The following GABRB1 variants were observed in gnomAD, a reference collection of about 807,000 sequenced individuals.
GABRB1 encodes the protein gamma-aminobutyric acid type A receptor subunit beta1, also known as gamma-aminobutyric acid receptor subunit beta-1.
In GABRB1, 17 loss-of-function variants were observed where a neutral mutation model predicts 51.6. The ratio of observed to expected loss-of-function variants is 0.33; its 90% confidence interval spans 0.23 to 0.49. The LOEUF (loss-of-function observed/expected upper bound fraction) is 0.49. Among genes scored for constraint, GABRB1 ranks in the 20% least tolerant of loss-of-function variants. The probability of loss-of-function intolerance (pLI) is 0.99; values close to 1 mark genes in which losing one functional copy is unlikely to be tolerated. For synonymous variants in GABRB1, 247 were observed against 218.9 expected, an observed-to-expected ratio of 1.13 and a Z score of -1.14; for missense variants, 410 against 600.6, an observed-to-expected ratio of 0.68 and a Z score of 3.32.
chr4:47,186,402 A>T (rs1719185894), intron 4 of GABRB1, among the ~76,000 whole-genome samples: 1 of 151,886 alleles, frequency 6.6e-6, no homozygotes. Context: ...TTTGGCTAAA[A>T]TTAGGAAGAT....
intron 5 of GABRB1, among the ~76,000 whole-genome samples, chr4:47,325,751 A>C (rs1200009708): frequency 1.3e-5 from 2 of 152,106 alleles, no homozygotes; most frequent in Non-Finnish European, 2.9e-5. Context: ...GCCACCTTCG[A>C]TAGGAGGCTT....
chr4:47,096,237 C>T lies in GABRB1; in HGVS notation c.240+63753C>T, dbSNP rs1714425033. Among the ~76,000 whole-genome samples, 5 of 152,130 alleles carry T rather than the reference C, an allele frequency of 3.3e-5. No individual in the cohort carries two copies. The South Asian group carries it at 1.0e-3, about 32-fold the overall frequency. On this transcript the variant is annotated intron_variant, in intron 3 of 8. Transcript: ENST00000295454. ...GCTTTTAGGTCCTAGAAGTATTTTG[C>T]TATTCCATTATTACTGTTTTTCCTT... is the stretch of plus-strand genomic sequence containing the variant.
intron 3 of GABRB1, among the ~76,000 whole-genome samples, chr4:47,041,174 G>A (rs925933681): frequency 1.3e-5 from 2 of 152,100 alleles, no homozygotes; most frequent in African/African-American, 4.8e-5. Context: ...CTGACAGCAT[G>A]CCTTGAGAAA....
chr4:47,240,579 G>A (rs1179502053), intron 4 of GABRB1, among the ~76,000 whole-genome samples: 4 of 152,232 alleles, frequency 2.6e-5, no homozygotes, highest in African/African-American at 7.2e-5. Context: ...TTTAATACAC[G>A]AAGATATTTC....
At chr4:47,125,618 G>A (rs369518556) in intron 3 of GABRB1, among the ~76,000 whole-genome samples, 1 of 120,230 alleles carries the variant, frequency 8.3e-6, no homozygotes. Context: ...TGCAGTGGCG[G>A]GATCTCGGCT....
intron 3 of GABRB1, among the ~76,000 whole-genome samples, chr4:47,124,911 TAAAG>T (rs1716045279): frequency 6.6e-6 from 1 of 151,800 alleles, no homozygotes; most frequent in Non-Finnish European, 1.5e-5. Flanking sequence ...TAGAGGAAAA[TAAAG>T]AGAGAAAGTT....
intron 8 of GABRB1, among the ~76,000 whole-genome samples, chr4:47,409,812 T>C (rs1390184041): frequency 2.0e-5 from 3 of 152,160 alleles, no homozygotes; most frequent in Non-Finnish European, 4.4e-5. Flanking sequence ...AAAACAAACT[T>C]TAAGCAAACA....
At position 47,425,927 on chromosome 4, in the gene GABRB1, A is replaced by C; in HGVS notation, c.1334A>C (p.Asp445Ala). The change falls in exon 9 of 9, where the codon GAT (aspartate) becomes GCT (alanine). Residue 445 changes from aspartate (D) to alanine (A), a missense_variant. Physicochemically the swap from Asp to Ala is moderately radical, Grantham distance 126 (BLOSUM62 -2). Transcript: ENST00000295454. ...QLKVKIPDLTDVNSIDKWSRM... is the reference protein window; with the variant it reads ...QLKVKIPDLTAVNSIDKWSRM... ...AAAGTCAAGATCCCCGACTTGACTG[A>C]TGTGAATTCCATAGACAAGTGGTCC... The C allele has an allele frequency of 6.2e-7, 1 of 1,614,122 alleles. No homozygotes were observed. Among genetic ancestry groups the C allele is most frequent in the Non-Finnish European group, 8.5e-7 (1 of 1,179,954 alleles).
At chr4:47,354,263 T>C (rs1274685803) in intron 5 of GABRB1, among the ~76,000 whole-genome samples, 1 of 152,176 alleles carries the variant, frequency 6.6e-6, no homozygotes, top group Non-Finnish European at 1.5e-5. Context: ...TATTAATGTG[T>C]AATAGATCAC....
intron 5 of GABRB1, among the ~76,000 whole-genome samples, chr4:47,374,243 G>T (rs2110021932): frequency 6.6e-6 from 1 of 152,196 alleles, no homozygotes; most frequent in African/African-American, 2.4e-5. Flanking sequence ...AAGAAAATTA[G>T]CTGGGCATGG....
chr4:47,305,162 G>A (rs995603079), intron 4 of GABRB1, among the ~76,000 whole-genome samples: 5 of 151,998 alleles, frequency 3.3e-5, no homozygotes, highest in African/African-American at 9.7e-5. Flanking sequence ...TGTTTTAGCC[G>A]CCTCTCTCTC....
chr4:47,077,968 A>T (rs1383543882), intron 3 of GABRB1, among the ~76,000 whole-genome samples: 3 of 100,050 alleles, frequency 3.0e-5, no homozygotes, highest in African/African-American at 1.3e-4. Context: ...TTATATATAT[A>T]TTTTATATAT....
intron 4 of GABRB1, among the ~76,000 whole-genome samples, chr4:47,267,015 T>C (rs1287476881): frequency 1.3e-5 from 2 of 152,110 alleles, no homozygotes; most frequent in Non-Finnish European, 2.9e-5. Context: ...GGTAAAGTGA[T>C]CAATTCAACA....
chr4:47,170,827 A>G (rs1364183665), intron 4 of GABRB1, among the ~76,000 whole-genome samples: 2 of 152,126 alleles, frequency 1.3e-5, no homozygotes, highest in Non-Finnish European at 2.9e-5. Context: ...AATTCCCACT[A>G]AAGGACACAG....
chr4:47,347,730 C>T (rs907534661), intron 5 of GABRB1, among the ~76,000 whole-genome samples: 20 of 151,984 alleles, frequency 1.3e-4, no homozygotes, highest in African/African-American at 2.9e-4. Context: ...AAGTTTTTAA[C>T]GTAATTATGA....
intron 5 of GABRB1, among the ~76,000 whole-genome samples, chr4:47,349,775 CCTT>C (rs1726241378): frequency 6.6e-6 from 1 of 152,186 alleles, no homozygotes; most frequent in Non-Finnish European, 1.5e-5. Context: ...ATTTACATGG[CCTT>C]CTAGTCAAGT....
intron 4 of GABRB1, among the ~76,000 whole-genome samples, chr4:47,264,359 G>A (rs959500484): frequency 6.6e-6 from 1 of 152,152 alleles, no homozygotes; most frequent in Admixed American, 6.5e-5. Context: ...TGGACTCATG[G>A]CCCTATGTTA....
At chr4:47,274,815 T>G (rs1723019849) in intron 4 of GABRB1, among the ~76,000 whole-genome samples, 1 of 152,148 alleles carries the variant, frequency 6.6e-6, no homozygotes, top group African/African-American at 2.4e-5. Flanking sequence ...CCCTGGTGTC[T>G]CAGCCCCAGT....
intron 4 of GABRB1, among the ~76,000 whole-genome samples, chr4:47,234,866 T>C (rs1055434433): frequency 6.6e-6 from 1 of 152,200 alleles, no homozygotes; most frequent in Admixed American, 6.6e-5. Context: ...AAACAATCAT[T>C]GAGCACCTGC....
Sources: allele counts gnomAD v4.1 joint callset (sites outside exome capture counted in the v4.1 genomes callset), GRCh38; gene constraint gnomAD v4.1.1; transcripts MANE v1.5; gene names NCBI Gene and HGNC (gene_info 2026-07-23, HGNC 2026-07-21).